Variants in GKAP1 observed in about 807,000 individuals in gnomAD.
GKAP1 encodes G kinase anchoring protein 1, also known as G kinase-anchoring protein 1.
A neutral mutation model predicts 56.7 loss-of-function variants in GKAP1; 31 were observed. The ratio of observed to expected loss-of-function variants is 0.55; its 90% CI spans 0.41 to 0.74. The LOEUF (loss-of-function observed/expected upper bound fraction) is 0.74. Ranked by LOEUF, GKAP1 falls within the 30% of genes least tolerant of loss-of-function variation. GKAP1 has a pLI of 0.00. For synonymous variants in GKAP1, 151 were observed against 138.6 expected (o/e 1.09, Z -0.63); for missense variants, 364 against 402.3 (o/e 0.90, Z 0.82).
At chr9:83,761,699 C>A (rs1164223446) in intron 8 of GKAP1, among the ~76,000 whole-genome samples, 1 of 152,060 alleles carries the variant, frequency 6.6e-6, no homozygotes, top group Non-Finnish European at 1.5e-5. Flanking sequence ...TTAAAAAGAT[C>A]ATTCATTATG....
rs368970118 is a variant in GKAP1, at chr9:83,779,448, T to TAC, written c.585+932_585+933dup. The stretch of plus-strand genomic sequence containing the variant: ...AGCCATATATATATATATATATATA[T>TAC]ACACACACACACACACGCACATATA... On this transcript the variant is annotated intron_variant, in intron 7 of 12. Coordinates refer to ENST00000376371, the MANE Select transcript of GKAP1 (RefSeq NM_025211.4). Among the ~76,000 whole-genome samples the TAC allele has an allele frequency of 3.5e-4, 42 of 119,614 alleles. 4 individuals are homozygous for TAC. Among genetic ancestry groups the TAC allele is most frequent in the South Asian group, 8.6e-4 (3 of 3,484 alleles). The allele number at this position is 119,614 out of a possible 152,430, so 78.5% of individuals were successfully genotyped here. A position where few individuals can be genotyped will look rare whatever the true frequency, so the allele number is the denominator to read the frequency against.
intron 5 of GKAP1, among the ~76,000 whole-genome samples, chr9:83,788,135 G>A (rs1944095243): frequency 6.6e-6 from 1 of 152,092 alleles, no homozygotes; most frequent in Non-Finnish European, 1.5e-5. Flanking sequence ...AAATGTAGCT[G>A]GGTGTGGTGG....
intron 2 of GKAP1, among the ~76,000 whole-genome samples, chr9:83,811,713 G>T (rs1268643883): frequency 5.9e-5 from 9 of 152,146 alleles, no homozygotes; most frequent in Admixed American, 1.3e-4. Flanking sequence ...CCTCTTGTTT[G>T]ATCAGGGTAA....
At chr9:83,806,236 A>G (rs1944437822) in intron 3 of GKAP1, 66 bp downstream of exon 3, 18 of 1,024,218 alleles carry the variant, frequency 1.8e-5, no homozygotes, top group Non-Finnish European at 2.6e-5. Context: ...GGGGAACAAG[A>G]TAGTATCTGT....
chr9:83,779,572 CACATATAT>C (rs1381055692), intron 7 of GKAP1, among the ~76,000 whole-genome samples: 2 of 95,344 alleles, frequency 2.1e-5, no homozygotes, highest in African/African-American at 1.3e-4. Flanking sequence ...TATATATACA[CACATATAT>C]ATACACGTAT....
At chr9:83,791,382 G>A (rs894146951) in intron 4 of GKAP1, among the ~76,000 whole-genome samples, 15 of 150,058 alleles carry the variant, frequency 1.0e-4, no homozygotes, top group African/African-American at 2.9e-4. Flanking sequence ...TAGCCTGGGC[G>A]ACAGAGCGAG....
At position 83,795,287 on chromosome 9, in the gene GKAP1, T is replaced by C. The variant is rs371548289; in HGVS notation, c.360+3898A>G. On this transcript the variant is annotated intron_variant, in intron 4 of 12. Coordinates refer to ENST00000376371, the MANE Select transcript of GKAP1 (RefSeq NM_025211.4). ...ATCATTTTATACATCATGTATCACA[T>C]GACACTCATTTCAATTAAGAAACAT... 2.0e-5 allele frequency among the ~76,000 whole-genome samples: 3 copies of C among 151,986 alleles called. No individual in the cohort carries two copies. In the East Asian group the frequency reaches 5.8e-4, roughly 29 times the overall value.
At chr9:83,809,344 A>T (rs1944478207) in intron 2 of GKAP1, among the ~76,000 whole-genome samples, 1 of 152,240 alleles carries the variant, frequency 6.6e-6, no homozygotes, top group Admixed American at 6.5e-5. Context: ...ACTTCCAGAT[A>T]CAAGAAACCT....
intron 3 of GKAP1, among the ~76,000 whole-genome samples, chr9:83,804,575 G>A (rs1417729468): frequency 7.9e-6 from 1 of 126,282 alleles, no homozygotes; most frequent in Admixed American, 7.2e-5. Flanking sequence ...AGGGAGGTGG[G>A]GGGGTCAGCC....
At chr9:83,790,182 A>G (rs985107931) in intron 4 of GKAP1, among the ~76,000 whole-genome samples, 1 of 152,226 alleles carries the variant, frequency 6.6e-6, no homozygotes, top group Non-Finnish European at 1.5e-5. Context: ...AATCGAATGC[A>G]GAAAAATACA....
intron 2 of GKAP1, 129 bp downstream of exon 2, chr9:83,816,867 A>G (rs1398215523): frequency 1.3e-5 from 2 of 152,206 alleles, no homozygotes; most frequent in Non-Finnish European, 2.9e-5. Context: ...TTTATGAAGC[A>G]CCTTAATGCT....
chr9:83,741,026 GATTT>G (rs1027317039), intron 12 of GKAP1, among the ~76,000 whole-genome samples: 6 of 151,964 alleles, frequency 3.9e-5, no homozygotes, highest in Non-Finnish European at 8.8e-5. Context: ...TTAAAAACAA[GATTT>G]ATTTCCAGTT....
chr9:83,804,838 A>C lies in GKAP1; in HGVS notation c.216+1464T>G. ...TGCCTGGTCAGCCGCCCCGTCCGGGAGGGAGGTGGGGGGTCAGCCCCCCGC... is the reference window on the plus strand; with the variant it reads ...TGCCTGGTCAGCCGCCCCGTCCGGGCGGGAGGTGGGGGGTCAGCCCCCCGC... On this transcript the variant is annotated intron_variant, in intron 3 of 12. Coordinates refer to ENST00000376371, the MANE Select transcript of GKAP1 (RefSeq NM_025211.4). Among the ~76,000 whole-genome samples, 2 of 52,884 alleles carry C rather than the reference A, an allele frequency of 3.8e-5. 1 individual carries two copies. Among genetic ancestry groups the C allele is most frequent in the African/African-American group, 2.7e-4 (2 of 7,546 alleles). 34.7% of individuals were successfully genotyped at this position (52,884 alleles called of 152,430 possible). A position where few individuals can be genotyped will look rare whatever the true frequency, so the allele number is the denominator to read the frequency against.
intron 4 of GKAP1, among the ~76,000 whole-genome samples, chr9:83,795,064 G>A (rs1047156110): frequency 6.6e-6 from 1 of 151,132 alleles, no homozygotes; most frequent in Non-Finnish European, 1.5e-5. Flanking sequence ...GCTGAGGTAG[G>A]AGAATCGCTT....
chr9:83,780,729 T>TG (rs1269512523), intron 6 of GKAP1, among the ~76,000 whole-genome samples: 2 of 151,784 alleles, frequency 1.3e-5, no homozygotes, highest in Admixed American at 6.6e-5. Flanking sequence ...ATTTGGGAGG[T>TG]GGGGGGAGCA....
At chr9:83,759,853 A>C (rs1943539599) in intron 8 of GKAP1, among the ~76,000 whole-genome samples, 1 of 152,178 alleles carries the variant, frequency 6.6e-6, no homozygotes, top group Non-Finnish European at 1.5e-5. Flanking sequence ...ACTGTAATAA[A>C]CTTTGCTTTC....
At chr9:83,740,504 T>C (rs565901199) in intron 12 of GKAP1, among the ~76,000 whole-genome samples, 127 of 152,310 alleles carry the variant, frequency 8.3e-4, no homozygotes, top group African/African-American at 2.8e-3. Context: ...AATTTAACCA[T>C]AAATAATGGT....
chr9:83,808,903 G>A (rs1048447449), intron 2 of GKAP1, among the ~76,000 whole-genome samples: 7 of 152,182 alleles, frequency 4.6e-5, no homozygotes, highest in East Asian at 1.9e-4. Context: ...CTGCTTCTGC[G>A]ATTGCAGAAG....
At chr9:83,781,851 T>C (rs997709195) in intron 6 of GKAP1, among the ~76,000 whole-genome samples, 2 of 150,898 alleles carry the variant, frequency 1.3e-5, no homozygotes, top group African/African-American at 4.9e-5. Flanking sequence ...TTCTTCTTTT[T>C]TTTTTTTTTT....
Sources: allele counts gnomAD v4.1 joint callset (sites outside exome capture counted in the v4.1 genomes callset), GRCh38; gene constraint gnomAD v4.1.1; transcripts MANE v1.5; gene names NCBI Gene and HGNC (gene_info 2026-07-23, HGNC 2026-07-21).